Variants in DGKH observed in about 807,000 individuals in gnomAD.
DGKH encodes the protein DAG kinase eta.
DGKH carries 90 observed loss-of-function variants against 159.3 expected under a neutral mutation model. That is an observed-to-expected ratio of 0.57 (90% confidence interval 0.48 to 0.67). The LOEUF (loss-of-function observed/expected upper bound fraction) is 0.67. DGKH is among the 30% of genes least tolerant of loss of function. The probability of loss-of-function intolerance (pLI) is 0.00; values close to 1 mark genes in which losing one functional copy is unlikely to be tolerated. For missense variants in DGKH, 1,181 were observed against 1,506.1 expected (o/e 0.78, Z 3.57); for synonymous variants, 536 against 553.8 (o/e 0.97, Z 0.45).
intron 1 of DGKH, among the ~76,000 whole-genome samples, chr13:42,098,438 G>T (rs1255193833): frequency 6.6e-6 from 1 of 151,652 alleles, no homozygotes; most frequent in Non-Finnish European, 1.5e-5. Flanking sequence ...AGCGAGCCAA[G>T]ATCATGCCAC....
intron 18 of DGKH, among the ~76,000 whole-genome samples, chr13:42,198,896 C>T (rs1957275246): frequency 6.6e-6 from 1 of 152,158 alleles, no homozygotes; most frequent in Non-Finnish European, 1.5e-5. Context: ...CCTTTCTTCT[C>T]AGTCTTGCCA....
At chr13:42,104,305 A>G (rs1419428392) in intron 1 of DGKH, among the ~76,000 whole-genome samples, 5 of 152,146 alleles carry the variant, frequency 3.3e-5, no homozygotes, top group Non-Finnish European at 5.9e-5. Flanking sequence ...CTTGGGCTAA[A>G]ACTGGGTCAC....
intron 23 of DGKH, among the ~76,000 whole-genome samples, chr13:42,210,164 ATAT>A (rs1245172617): frequency 9.9e-5 from 15 of 151,810 alleles, no homozygotes; most frequent in Admixed American, 9.9e-4. Context: ...GAAGCATGAA[ATAT>A]TTTTTTGTTT....
At chr13:42,040,527 G>A (rs1880422370) in intron 1 of DGKH, among the ~76,000 whole-genome samples, 1 of 151,792 alleles carries the variant, frequency 6.6e-6, no homozygotes, top group Non-Finnish European at 1.5e-5. Context: ...GGGTAGCGGG[G>A]AGGAAAAGGG....
intron 1 of DGKH, among the ~76,000 whole-genome samples, chr13:42,076,249 G>A (rs1954096720): frequency 6.6e-6 from 1 of 152,200 alleles, no homozygotes; most frequent in South Asian, 2.1e-4. Flanking sequence ...GTAACAGACT[G>A]CTGTGTTTGT....
chr13:42,080,460 G>C (rs141428189), intron 1 of DGKH, among the ~76,000 whole-genome samples: 1 of 152,070 alleles, frequency 6.6e-6, no homozygotes. Flanking sequence ...TACCTAGGCC[G>C]TATTCTAGTG....
At chr13:42,178,989 A>G (rs1219932194) in intron 13 of DGKH, among the ~76,000 whole-genome samples, 1 of 152,238 alleles carries the variant, frequency 6.6e-6, no homozygotes, top group East Asian at 1.9e-4. Context: ...AAATTTTGGT[A>G]TATTATGTAC....
chr13:42,177,499 G>A (rs550579501), intron 12 of DGKH, among the ~76,000 whole-genome samples: 12 of 152,210 alleles, frequency 7.9e-5, no homozygotes, highest in African/African-American at 2.6e-4. Flanking sequence ...CATTTCTTTT[G>A]GGTGTAGATA....
intron 26 of DGKH, among the ~76,000 whole-genome samples, chr13:42,218,442 G>T (rs1164019063): frequency 6.8e-6 from 1 of 147,336 alleles, no homozygotes; most frequent in African/African-American, 2.5e-5. Context: ...TTTTTCTGCA[G>T]TTCTTTTTAT....
At chr13:42,178,053 G>T in intron 12 of DGKH, 82 bp from the exon 13 acceptor site, 1 of 949,610 alleles carries the variant, frequency 1.1e-6, no homozygotes, top group South Asian at 2.1e-5. Context: ...ATGTCATGAA[G>T]GGTTCCATTT....
chr13:42,127,457 C>T lies in DGKH; in HGVS notation c.193-6C>T, dbSNP rs752639807. On this transcript the variant is annotated splice_polypyrimidine_tract_variant and splice_region_variant and intron_variant, in intron 1 of 29. Coordinates refer to ENST00000337343, the MANE Select transcript of DGKH (RefSeq NM_178009.5). ...ATCGTGTCATTGTGCTTCTGCTTCTCTCTAGACCAGTATTAAAGAGGGACA... is the reference window on the plus strand; with the variant it reads ...ATCGTGTCATTGTGCTTCTGCTTCTTTCTAGACCAGTATTAAAGAGGGACA... The T allele has an allele frequency of 1.1e-5, 18 of 1,606,878 alleles. No individual in the cohort carries two copies. In the Admixed American group the frequency reaches 2.0e-4, roughly 18 times the overall value.
chr13:42,065,674 A>C (rs1042535182), intron 1 of DGKH, among the ~76,000 whole-genome samples: 5 of 152,130 alleles, frequency 3.3e-5, no homozygotes, highest in African/African-American at 1.2e-4. Flanking sequence ...AGTTGAAGGG[A>C]GAGGCGAATA....
intron 1 of DGKH, chr13:42,069,274 T>C (rs1361732713): frequency 9.2e-7 from 1 of 1,085,530 alleles, no homozygotes; most frequent in East Asian, 2.4e-5. Flanking sequence ...AACTGATTTA[T>C]GAGAAAACAG....
At chr13:42,065,133 C>T (rs573048459) in intron 1 of DGKH, among the ~76,000 whole-genome samples, 40 of 152,260 alleles carry the variant, frequency 2.6e-4, no homozygotes, top group Non-Finnish European at 4.4e-4. Flanking sequence ...CACCTCCGAA[C>T]GTCAGAAGGG....
intron 18 of DGKH, among the ~76,000 whole-genome samples, chr13:42,199,159 A>AT (rs1195874445): frequency 1.3e-5 from 2 of 152,162 alleles, no homozygotes; most frequent in Non-Finnish European, 2.9e-5. Flanking sequence ...TTGCTCAATA[A>AT]ATATTTGTCC....
chr13:42,082,282 A>G (rs2137722438), intron 1 of DGKH, among the ~76,000 whole-genome samples: 1 of 152,210 alleles, frequency 6.6e-6, no homozygotes, highest in East Asian at 1.9e-4. Flanking sequence ...TAAAGAAGGG[A>G]AAACATCTTA....
At chr13:42,246,411 G>T (rs1958579960), downstream of DGKH, among the ~76,000 whole-genome samples, 1 of 151,944 alleles carries the variant, frequency 6.6e-6, no homozygotes, top group African/African-American at 2.4e-5. Flanking sequence ...ACATAGTGAG[G>T]CCTCATCTCT....
chr13:42,190,551 T>G (rs756309055), intron 16 of DGKH, 26 bp downstream of exon 16: 1 of 1,560,104 alleles, frequency 6.4e-7, no homozygotes, highest in Non-Finnish European at 8.6e-7. Flanking sequence ...AAAAATTATT[T>G]TGGAATTAAA....
chr13:42,108,090 A>G (rs1954794926), intron 1 of DGKH, among the ~76,000 whole-genome samples: 1 of 152,128 alleles, frequency 6.6e-6, no homozygotes, highest in African/African-American at 2.4e-5. Flanking sequence ...AATCAAATGA[A>G]GAGTTAGTGT....
Sources: gnomAD v4.1 joint callset for allele counts (sites outside exome capture counted in the v4.1 genomes callset) on GRCh38, gnomAD v4.1.1 for gene constraint, MANE v1.5 for transcripts, NCBI Gene and HGNC (gene_info 2026-07-23, HGNC 2026-07-21) for gene names.